The following MAGI2 variants were observed in gnomAD, a reference collection of about 807,000 sequenced individuals.
MAGI2 encodes the protein membrane-associated guanylate kinase, WW and PDZ domain-containing protein 2.
In MAGI2, 35 loss-of-function variants were observed where a neutral mutation model predicts 133.3. The observed-to-expected ratio is 0.26, with a 90% CI of 0.20 to 0.35. The LOEUF (loss-of-function observed/expected upper bound fraction) is 0.35, where lower values mean the gene tolerates loss of function less well. Among genes scored for constraint, MAGI2 ranks in the 10% least tolerant of loss-of-function variants. MAGI2 has a pLI of 1.00. For missense variants in MAGI2, 1,636 were observed against 1,863.4 expected (o/e 0.88, Z 2.25); for synonymous variants, 729 against 710.6 (o/e 1.03, Z -0.41).
At chr7:79,369,069 T>A (rs1177328468) in intron 1 of MAGI2, among the ~76,000 whole-genome samples, 1 of 152,026 alleles carries the variant, frequency 6.6e-6, no homozygotes, top group African/African-American at 2.4e-5. Context: ...TTTAGCCAGG[T>A]ATAATTCTGG....
At chr7:78,942,192 A>C (rs1429241620) in intron 2 of MAGI2, among the ~76,000 whole-genome samples, 1 of 152,158 alleles carries the variant, frequency 6.6e-6, no homozygotes, top group African/African-American at 2.4e-5. Flanking sequence ...CCAGGTGGCA[A>C]GATGATATAC....
intron 1 of MAGI2, among the ~76,000 whole-genome samples, chr7:79,051,668 AAAC>A (rs1192344104): frequency 2.0e-5 from 3 of 152,136 alleles, no homozygotes; most frequent in Admixed American, 6.5e-5. Context: ...TGTTATTTTG[AAAC>A]AACAAATATG....
At chr7:78,416,477 C>G (rs906367734) in intron 6 of MAGI2, among the ~76,000 whole-genome samples, 5 of 152,012 alleles carry the variant, frequency 3.3e-5, no homozygotes, top group Admixed American at 1.3e-4. Flanking sequence ...TATTCCAGGG[C>G]CTATTACAGT....
At chr7:78,086,336 T>C (rs1001582601) in intron 20 of MAGI2, among the ~76,000 whole-genome samples, 1 of 151,552 alleles carries the variant, frequency 6.6e-6, no homozygotes, top group African/African-American at 2.4e-5. Flanking sequence ...TTCCTAGGTT[T>C]GAGTGATTAT....
intron 2 of MAGI2, among the ~76,000 whole-genome samples, chr7:78,754,498 C>A (rs564582861): frequency 6.6e-6 from 1 of 152,290 alleles, no homozygotes; most frequent in South Asian, 2.1e-4. Context: ...CATGGACTCA[C>A]TGACATTTCC....
intron 1 of MAGI2, among the ~76,000 whole-genome samples, chr7:79,024,692 C>G (rs573426988): frequency 3.7e-4 from 56 of 152,062 alleles, no homozygotes; most frequent in African/African-American, 1.2e-3. Flanking sequence ...AATGAGGGGG[C>G]AAAGGACATG....
intron 2 of MAGI2, among the ~76,000 whole-genome samples, chr7:78,826,092 C>T (rs1391418575): frequency 6.6e-6 from 1 of 152,036 alleles, no homozygotes; most frequent in Non-Finnish European, 1.5e-5. Flanking sequence ...GTGGCTCACA[C>T]CTGTAATCCC....
At chr7:78,977,058 C>T (rs1804322603) in intron 2 of MAGI2, among the ~76,000 whole-genome samples, 1 of 151,588 alleles carries the variant, frequency 6.6e-6, no homozygotes, top group African/African-American at 2.4e-5. Flanking sequence ...ATTCAAATCC[C>T]AGCAAGCTAT....
At chr7:79,016,447 A>G (rs1470036201) in intron 1 of MAGI2, among the ~76,000 whole-genome samples, 6 of 152,038 alleles carry the variant, frequency 3.9e-5, no homozygotes, top group African/African-American at 1.2e-4. Flanking sequence ...GACAGACTGT[A>G]CTTGACCAGT....
intron 1 of MAGI2, among the ~76,000 whole-genome samples, chr7:79,262,624 G>C (rs1189118855): frequency 4.6e-5 from 7 of 152,164 alleles, no homozygotes; most frequent in Non-Finnish European, 1.0e-4. Flanking sequence ...GCAAAGAATA[G>C]ATGGAAAGTA....
chr7:78,075,598 G>A (rs57301942), intron 21 of MAGI2, among the ~76,000 whole-genome samples: 5,640 of 152,022 alleles, frequency 0.037, 354 homozygotes, highest in African/African-American at 0.13. Flanking sequence ...GGATGGTCTC[G>A]ATCTCCTGAC....
chr7:79,101,236 G>T (rs1215692475), intron 1 of MAGI2, among the ~76,000 whole-genome samples: 10 of 152,024 alleles, frequency 6.6e-5, no homozygotes, highest in African/African-American at 2.4e-4. Flanking sequence ...CCAGTGATTT[G>T]TCAATGCAAA....
chr7:78,395,540 T>A (rs1562938226), intron 6 of MAGI2, among the ~76,000 whole-genome samples: 2 of 152,176 alleles, frequency 1.3e-5, no homozygotes, highest in East Asian at 3.9e-4. Context: ...CTGCATTTTA[T>A]GCATTTTTGC....
chr7:79,179,595 G>A (rs1375868790), intron 1 of MAGI2, among the ~76,000 whole-genome samples: 1 of 151,972 alleles, frequency 6.6e-6, no homozygotes, highest in African/African-American at 2.4e-5. Flanking sequence ...CAATGGAACA[G>A]AATAGAGAAC....
At chr7:79,408,312 A>C (rs770714645) in intron 1 of MAGI2, among the ~76,000 whole-genome samples, 7 of 152,068 alleles carry the variant, frequency 4.6e-5, no homozygotes, top group Non-Finnish European at 1.0e-4. Flanking sequence ...CTGCCTTATA[A>C]AATATATTTT....
intron 1 of MAGI2, among the ~76,000 whole-genome samples, chr7:79,306,768 A>G (rs1455062964): frequency 2.0e-5 from 3 of 152,086 alleles, no homozygotes; most frequent in African/African-American, 7.2e-5. Flanking sequence ...AGCTGTTGTC[A>G]GAATTGAATC....
At chr7:78,415,867 T>G (rs1223137993) in intron 6 of MAGI2, among the ~76,000 whole-genome samples, 1 of 152,154 alleles carries the variant, frequency 6.6e-6, no homozygotes, top group African/African-American at 2.4e-5. Flanking sequence ...AGATTTAATA[T>G]TTCAACATTT....
intron 2 of MAGI2, among the ~76,000 whole-genome samples, chr7:78,725,396 T>C (rs1032567253): frequency 3.3e-5 from 5 of 152,242 alleles, no homozygotes; most frequent in African/African-American, 9.6e-5. Context: ...AAACCTTCCA[T>C]TGTACTTTTT....
chr7:78,265,112 C>A (rs1006407914), intron 9 of MAGI2, among the ~76,000 whole-genome samples: 1 of 151,782 alleles, frequency 6.6e-6, no homozygotes, highest in Non-Finnish European at 1.5e-5. Context: ...TTAAGCAGCA[C>A]ACATCCAACA....
Sources: gnomAD v4.1 joint callset for allele counts (sites outside exome capture counted in the v4.1 genomes callset) on GRCh38, gnomAD v4.1.1 for gene constraint, MANE v1.5 for transcripts, NCBI Gene and HGNC (gene_info 2026-07-23, HGNC 2026-07-21) for gene names.